The following PIAS2 variants were observed in gnomAD, a reference collection of about 807,000 sequenced individuals.
PIAS2 encodes E3 SUMO-protein ligase PIAS2.
A neutral mutation model predicts 69.7 loss-of-function variants in PIAS2; 19 were observed. That is an observed-to-expected ratio of 0.27 (90% confidence interval 0.19 to 0.40). The LOEUF (loss-of-function observed/expected upper bound fraction) is 0.40. PIAS2 is among the 10% of genes least tolerant of loss of function. The pLI is 1.00. For synonymous variants in PIAS2, 261 were observed against 263.2 expected (o/e 0.99, Z 0.08); for missense variants, 624 against 757.0 (o/e 0.82, Z 2.06).
intron 5 of PIAS2, among the ~76,000 whole-genome samples, chr18:46,848,793 G>GAC (rs142836945): frequency 0.046 from 6,875 of 149,274 alleles, 182 homozygotes; most frequent in Non-Finnish European, 0.064. Context: ...GTGTGTGAGA[G>GAC]AGAGAGAGTA....
intron 1 of PIAS2, chr18:46,916,766 AT>A: frequency 1.0e-6 from 1 of 956,148 alleles, no homozygotes; most frequent in South Asian, 4.8e-5. Flanking sequence ...ATCCCCAAAC[AT>A]TAGGTTCCTC....
At chr18:46,851,561 G>T (rs2046972562) in intron 5 of PIAS2, among the ~76,000 whole-genome samples, 1 of 152,136 alleles carries the variant, frequency 6.6e-6, no homozygotes, top group South Asian at 2.1e-4. Context: ...GCAGGTTCTT[G>T]TCTGTCCACA....
At position 46,807,379 on chromosome 18, in the gene PIAS2, ATATATTTTTTTTTTT is replaced by A. The variant is rs1449761820; in HGVS notation, c.*5039_*5053del. 3.9e-4 allele frequency: 10 copies of A among 25,582 alleles called. No homozygotes were observed. The highest frequency in any genetic ancestry group is 5.3e-4 in the Non-Finnish European group (8 of 14,978). The allele number at this position is 25,582 out of a possible 1,614,324, so 1.6% of individuals were successfully genotyped here. A position where few individuals can be genotyped will look rare whatever the true frequency, so the allele number is the denominator to read the frequency against. ...TTTATATATATATATATATATATAT[ATATATTTTTTTTTTT>A]TTTTTTTTTTTTTTTTAGAGAGTCT... On this transcript the variant is annotated 3_prime_UTR_variant, in exon 14 of 14. Transcript: ENST00000585916.
rs1211042641 is a variant in PIAS2 at position 46,810,873 on chromosome 18, T to G, written c.*1560A>C. ...CACTTCAGTTTGAGAAATCAATTGG[T>G]TGGACTGGCCATTAAAAAAAGGACT... On this transcript the variant is annotated 3_prime_UTR_variant, in exon 14 of 14. Transcript: ENST00000585916. 6.6e-6 allele frequency: 1 copy of G among 151,986 alleles called. No individual in the cohort carries two copies. The highest frequency in any genetic ancestry group is 1.9e-4 in the East Asian group (1 of 5,182). The allele number at this position is 151,986 out of a possible 1,614,324, so 9.4% of individuals were successfully genotyped here.
At chr18:46,890,316 C>T (rs900484421) in intron 2 of PIAS2, among the ~76,000 whole-genome samples, 1 of 152,136 alleles carries the variant, frequency 6.6e-6, no homozygotes, top group East Asian at 1.9e-4. Context: ...CTCAACTGTA[C>T]ACTTTAAAAT....
rs1645309577 is a variant in PIAS2 at position 46,855,628 on chromosome 18, GAAAGA to G, written c.585-18_585-14del. 6.2e-7 allele frequency: 1 copy of G among 1,604,568 alleles called. No homozygotes were observed. Among genetic ancestry groups the G allele is most frequent in the East Asian group, 2.2e-5 (1 of 44,776 alleles). ...TGGCAAAAAATCCCTGTTGGAAAGA[GAAAGA>G]AAATGGGTTAAAAAAGTACAATGAG... is the stretch of plus-strand genomic sequence containing the variant. On this transcript the variant is annotated splice_polypyrimidine_tract_variant and intron_variant, in intron 3 of 13. Coordinates refer to ENST00000585916, the MANE Select transcript of PIAS2 (RefSeq NM_004671.5).
chr18:46,892,343 GTC>G (rs1429734434), intron 1 of PIAS2, among the ~76,000 whole-genome samples: 2 of 152,026 alleles, frequency 1.3e-5, no homozygotes, highest in Admixed American at 6.6e-5. Flanking sequence ...TACTATATAT[GTC>G]TCTATATTTC....
At chr18:46,854,738 CCA>C (rs1239456870) in intron 5 of PIAS2, among the ~76,000 whole-genome samples, 1 of 152,066 alleles carries the variant, frequency 6.6e-6, no homozygotes, top group Admixed American at 6.6e-5. Context: ...TTGCACCCAC[CCA>C]CCACAAGTGA....
chr18:46,847,424 T>A (rs1462872247), intron 5 of PIAS2, among the ~76,000 whole-genome samples: 2 of 152,114 alleles, frequency 1.3e-5, no homozygotes, highest in East Asian at 3.8e-4. Flanking sequence ...ATGAGCCTGA[T>A]GGCTATCAAA....
At chr18:46,895,137 T>C (rs1350232359) in intron 1 of PIAS2, among the ~76,000 whole-genome samples, 1 of 150,782 alleles carries the variant, frequency 6.6e-6, no homozygotes, top group Non-Finnish European at 1.5e-5. Flanking sequence ...TAATCACCAG[T>C]GAATAAAAAT....
intron 9 of PIAS2, among the ~76,000 whole-genome samples, chr18:46,832,647 T>C (rs1222217739): frequency 6.6e-6 from 1 of 151,878 alleles, no homozygotes; most frequent in African/African-American, 2.4e-5. Flanking sequence ...TCCCAGCACT[T>C]TGGGAGGCTG....
intron 7 of PIAS2, 67 bp downstream of exon 7, chr18:46,844,667 A>G (rs1393497746): frequency 1.8e-5 from 10 of 547,376 alleles, no homozygotes; most frequent in African/African-American, 7.7e-5. Flanking sequence ...TTAAAGCATT[A>G]AAGTATCTCA....
intron 8 of PIAS2, among the ~76,000 whole-genome samples, chr18:46,838,508 G>A (rs2044790287): frequency 6.6e-6 from 1 of 152,118 alleles, no homozygotes; most frequent in Non-Finnish European, 1.5e-5. Flanking sequence ...AGGGAGCCTC[G>A]AAATTACTGT....
intron 1 of PIAS2, among the ~76,000 whole-genome samples, chr18:46,916,002 TA>T (rs1306467202): frequency 2.6e-5 from 4 of 152,206 alleles, no homozygotes; most frequent in Non-Finnish European, 5.9e-5. Context: ...TCTGAGCCAC[TA>T]AAACCCTTAA....
At chr18:46,874,184 C>T (rs1274106638) in intron 2 of PIAS2, among the ~76,000 whole-genome samples, 1 of 152,110 alleles carries the variant, frequency 6.6e-6, no homozygotes, top group Non-Finnish European at 1.5e-5. Context: ...AGAAAACCAC[C>T]CATCGGAGGA....
At chr18:46,814,838 T>C (rs1383639640) in intron 13 of PIAS2, among the ~76,000 whole-genome samples, 6 of 152,316 alleles carry the variant, frequency 3.9e-5, no homozygotes, top group African/African-American at 1.4e-4. Flanking sequence ...ACGGGGATGA[T>C]TGACATATAG....
chr18:46,831,716 TAAC>T (rs1021266319), intron 9 of PIAS2, among the ~76,000 whole-genome samples: 1 of 152,148 alleles, frequency 6.6e-6, no homozygotes, highest in African/African-American at 2.4e-5. Context: ...AAACAAATCT[TAAC>T]AAATGATGGT....
intron 12 of PIAS2, chr18:46,815,619 A>T: frequency 9.1e-7 from 1 of 1,100,316 alleles, no homozygotes; most frequent in Non-Finnish European, 1.1e-6. Context: ...GTCAAAACAA[A>T]TATTTCCCCC....
chr18:46,855,542 G>A (rs1568539717), intron 4 of PIAS2, 23 bp downstream of exon 4: 2 of 1,607,402 alleles, frequency 1.2e-6, no homozygotes, highest in East Asian at 4.5e-5. Flanking sequence ...TAAAACTAAG[G>A]TAACAGAAAA....
Sources: allele counts gnomAD v4.1 joint callset (sites outside exome capture counted in the v4.1 genomes callset), GRCh38; gene constraint gnomAD v4.1.1; transcripts MANE v1.5; gene names NCBI Gene and HGNC (gene_info 2026-07-23, HGNC 2026-07-21).